SPANXN4: variants seen among roughly 807,000 people sequenced by gnomAD.
SPANXN4 encodes the protein sperm protein associated with the nucleus on the X chromosome N4.
Under a neutral mutation model 6.0 loss-of-function variants are expected in SPANXN4, and 5 were observed. The observed-to-expected ratio is 0.83, with a 90% CI of 0.44 to 1.75. The LOEUF (loss-of-function observed/expected upper bound fraction) is 1.75. Ranked by LOEUF, SPANXN4 falls within the 40% of genes most tolerant of loss-of-function variation. The probability of loss-of-function intolerance (pLI) is 0.02; values close to 1 mark genes in which losing one functional copy is unlikely to be tolerated. For synonymous variants in SPANXN4, 45 were observed against 38.0 expected (o/e 1.19, Z -0.68); for missense variants, 157 against 108.6 (o/e 1.45, Z -1.98).
At chrX:143,036,151 G>A (rs1932842909), downstream of SPANXN4, among the ~76,000 whole-genome samples, 1 of 108,976 alleles carries the variant, frequency 9.2e-6, no homozygotes, top group Non-Finnish European at 1.9e-5. Flanking sequence ...AAAGAAGGGA[G>A]AATGAAAATC....
chrX:143,036,529 C>T (rs933762148), downstream of SPANXN4, among the ~76,000 whole-genome samples: 2 of 111,850 alleles, frequency 1.8e-5, no homozygotes, highest in African/African-American at 3.2e-5. Flanking sequence ...GTTGAAAATA[C>T]GATTCATTGA....
intron 1 of SPANXN4, among the ~76,000 whole-genome samples, chrX:143,029,943 T>C (rs369783073): frequency 1.8e-5 from 2 of 111,613 alleles, no homozygotes; most frequent in African/African-American, 6.5e-5. Context: ...TCGCCGTATA[T>C]TTGGCAGAGT....
In SPANXN4 at chrX:143,034,019, T is replaced by C; in HGVS notation, c.79-9T>C. The C allele has an allele frequency of 8.6e-7, 1 of 1,164,221 alleles. No individual in the cohort carries two copies. The highest frequency in any genetic ancestry group is 1.9e-5 in the South Asian group (1 of 51,374). On this transcript the variant is annotated splice_polypyrimidine_tract_variant and intron_variant, in intron 1 of 2. Coordinates refer to ENST00000370504, the Ensembl canonical transcript of SPANXN4. ...CCATTCTGGCCTCTCCCTGTTTTTTTACCAGAAGAAGAAGAATCTGCACAG... is the reference window on the plus strand; with the variant it reads ...CCATTCTGGCCTCTCCCTGTTTTTTCACCAGAAGAAGAAGAATCTGCACAG...
At chrX:143,034,300 T>A (rs1932831401) in intron 2 of SPANXN4, 1 of 1,092,731 alleles carries the variant, frequency 9.2e-7, no homozygotes, top group South Asian at 2.2e-5. Context: ...TAAAATCAGT[T>A]TGAGGAGCTG....
At chrX:143,033,715 A>T (rs1932825148) in intron 1 of SPANXN4, among the ~76,000 whole-genome samples, 1 of 112,028 alleles carries the variant, frequency 8.9e-6, no homozygotes, top group African/African-American at 3.3e-5. Context: ...GCCTTTGTCC[A>T]CCTTGTAGTC....
intron 1 of SPANXN4, among the ~76,000 whole-genome samples, chrX:143,031,991 T>C (rs951589417): frequency 1.8e-5 from 2 of 111,950 alleles, no homozygotes; most frequent in Admixed American, 9.4e-5. Context: ...ATAATTCCAA[T>C]TGGTGTAAGT....
intron 1 of SPANXN4, among the ~76,000 whole-genome samples, chrX:143,028,768 GTCC>G (rs1265260683): frequency 9.0e-6 from 1 of 111,095 alleles, no homozygotes; most frequent in Admixed American, 9.6e-5. Flanking sequence ...CCTGGTGTGT[GTCC>G]TCAGGCCTGG....
downstream of SPANXN4, chrX:143,034,849 C>A: frequency 1.3e-6 from 1 of 776,307 alleles, no homozygotes; most frequent in Non-Finnish European, 1.7e-6. Context: ...GTGTGGGGCA[C>A]TGGGAGTGGC....
chrX:143,031,315 T>C (rs918339835), intron 1 of SPANXN4, among the ~76,000 whole-genome samples: 1 of 110,527 alleles, frequency 9.0e-6, no homozygotes, highest in Non-Finnish European at 1.9e-5. Flanking sequence ...CTGGTAAAAC[T>C]GAATAACTAT....
intron 1 of SPANXN4, among the ~76,000 whole-genome samples, chrX:143,031,207 T>C (rs957222940): frequency 6.3e-5 from 7 of 110,847 alleles, no homozygotes; most frequent in Admixed American, 2.9e-4. Context: ...GGGTGTTGAA[T>C]AGATTGTATA....
intron 2 of SPANXN4, 96 bp downstream of exon 2, chrX:143,034,407 C>T: frequency 9.4e-7 from 1 of 1,061,610 alleles, no homozygotes; most frequent in African/African-American, 1.9e-5. Context: ...GATCCTGTAG[C>T]ATTGGCGGAC....
intron 1 of SPANXN4, among the ~76,000 whole-genome samples, chrX:143,032,658 TA>T (rs1932817688): frequency 9.0e-6 from 1 of 110,813 alleles, no homozygotes; most frequent in Admixed American, 9.6e-5. Context: ...ACCATTGCAT[TA>T]GAGAAAGTTT....
chrX:143,034,441 T>C lies in SPANXN4; in HGVS notation c.284-68T>C. 2.7e-6 allele frequency: 3 copies of C among 1,104,545 alleles called. No individual in the cohort carries two copies. In the South Asian group the frequency reaches 7.0e-5, roughly 26 times the overall value. 91.0% of individuals were successfully genotyped at this position (1,104,545 alleles called of 1,213,427 possible). ...ACAGATCCACAGGTTAGCCAGACAT[T>C]GTAAATAAAGACTGGGGGAGGACTG... is the stretch of plus-strand genomic sequence containing the variant. On this transcript the variant is annotated intron_variant, in intron 2 of 2. Coordinates refer to ENST00000370504, the Ensembl canonical transcript of SPANXN4.
chrX:143,031,926 C>T, intron 1 of SPANXN4, among the ~76,000 whole-genome samples: 1 of 111,663 alleles, frequency 9.0e-6, no homozygotes, highest in Non-Finnish European at 1.9e-5. Context: ...TTTATGCCAG[C>T]TAGAAGGCAT....
exon 2 of SPANXN4, chrX:143,034,199 G>T (rs762552303): frequency 2.4e-5 from 28 of 1,179,267 alleles, no homozygotes; most frequent in African/African-American, 3.5e-5. Context: ...AGAGAAAGGA[G>T]ACCTAGACAT....
chrX:143,026,070 C>A lies in SPANXN4; in HGVS notation c.56C>A (p.Ser19Tyr), dbSNP rs1012144041. Reference sequence around the variant, plus strand: ...AATAAAATGAAGAGCCCCTGTGAATCTAACAAAAGAAAAGTTGACAAGGTC... The same window carrying A: ...AATAAAATGAAGAGCCCCTGTGAATATAACAAAAGAAAAGTTGACAAGGTC... The change falls in exon 1 of 3, where the codon TCT becomes TAT. Residue 19 changes from serine (S) to tyrosine (Y), a missense_variant. Coordinates refer to ENST00000370504, the Ensembl canonical transcript of SPANXN4. 3 of 1,207,389 alleles carry A rather than the reference C, an allele frequency of 2.5e-6. No homozygotes were observed. Among genetic ancestry groups the A allele is most frequent in the Admixed American group, 4.4e-5 (2 of 45,605 alleles).
In SPANXN4 at chrX:143,033,502, T is replaced by C. The variant is rs145707695; in HGVS notation, c.79-526T>C. On this transcript the variant is annotated intron_variant, in intron 1 of 2. Transcript: ENST00000370504. The stretch of plus-strand genomic sequence containing the variant: ...CTGCAGAAGTGGGGGACCAGCTTAA[T>C]GCCAGAGCCCACTACCACTTACAGG... Among the ~76,000 whole-genome samples, 155 of 111,724 alleles carry C rather than the reference T, an allele frequency of 1.4e-3. No homozygotes were observed. The East Asian group carries it at 0.019, about 14-fold the overall frequency.
Position 143,026,102 on chromosome X carries a change from T to A in SPANXN4, c.78+10T>A. 1 of 1,197,362 alleles carries A rather than the reference T, an allele frequency of 8.4e-7. No homozygotes were observed. The highest frequency in any genetic ancestry group is 1.1e-6 in the Non-Finnish European group (1 of 887,468). On this transcript the variant is annotated intron_variant, in intron 1 of 2. Transcript: ENST00000370504. ...AAGAAAAGTTGACAAGGTCAGATTG[T>A]TAGGTTTTGAAGGGAAGGTGAGGGT...
At chrX:143,028,902 A>G (rs890530645) in intron 1 of SPANXN4, among the ~76,000 whole-genome samples, 5 of 111,655 alleles carry the variant, frequency 4.5e-5, no homozygotes, top group Admixed American at 3.8e-4. Context: ...TAAGCTTTTA[A>G]AAGCTGGAGT....
Sources: gnomAD v4.1 joint callset for allele counts (sites outside exome capture counted in the v4.1 genomes callset) on GRCh38, gnomAD v4.1.1 for gene constraint, MANE v1.5 for transcripts, NCBI Gene and HGNC (gene_info 2026-07-23, HGNC 2026-07-21) for gene names.